ADRA1D: variants seen among roughly 807,000 people sequenced by gnomAD.
ADRA1D encodes the protein alpha-1D adrenergic receptor.
In ADRA1D, 22 loss-of-function variants were observed where a neutral mutation model predicts 18.6. That is an observed-to-expected ratio of 1.19 (90% CI 0.85 to 1.69). ADRA1D has a LOEUF of 1.69. ADRA1D is among the 40% of genes most tolerant of loss of function. The probability of loss-of-function intolerance (pLI) is 0.00; values close to 1 mark genes in which losing one functional copy is unlikely to be tolerated. For missense variants in ADRA1D, 840 were observed against 840.7 expected (o/e 1.00, Z 0.01); for synonymous variants, 376 against 388.2 (o/e 0.97, Z 0.37).
Position 4,222,562 on chromosome 20 carries a change from A to C in ADRA1D, c.1112-432T>G, listed in dbSNP as rs1980698017. Among the ~76,000 whole-genome samples, 1 of 152,148 alleles carries C rather than the reference A, an allele frequency of 6.6e-6. No individual in the cohort carries two copies. The highest frequency in any genetic ancestry group is 1.5e-5 in the Non-Finnish European group (1 of 68,032). On this transcript the variant is annotated intron_variant, in intron 1 of 1. Coordinates refer to ENST00000379453, the MANE Select transcript of ADRA1D (RefSeq NM_000678.4). The surrounding 1 kb of genome is among the most constrained non-coding windows in gnomAD (Gnocchi z 4.3). Reference sequence around the variant, plus strand: ...TCTCTGGAAAGATGCTTTGAAGATAAAATAGGATAGAACATACGCCCCCGC... The same window carrying C: ...TCTCTGGAAAGATGCTTTGAAGATACAATAGGATAGAACATACGCCCCCGC...
rs71332805 is a variant in ADRA1D, at chr20:4,231,038, T to TTCTCTTTCTTTCTTTCTTTCTTTCTTTC, written c.1112-8909_1112-8908insGAAAGAAAGAAAGAAAGAAAGAAAGAGA. ...TTCTTTTCTCTTTCTCTTTCTTTCTTTTTCTTTCTTTCTTTCTTTCTTTCT... is the reference window on the plus strand; with the variant it reads ...TTCTTTTCTCTTTCTCTTTCTTTCTTTCTCTTTCTTTCTTTCTTTCTTTCTTTCTTTCTTTCTTTCTTTCTTTCTTTCT... On this transcript the variant is annotated intron_variant, in intron 1 of 1. Coordinates refer to ENST00000379453, the MANE Select transcript of ADRA1D (RefSeq NM_000678.4). Among the ~76,000 whole-genome samples the TTCTCTTTCTTTCTTTCTTTCTTTCTTTC allele has an allele frequency of 3.7e-5, 4 of 108,526 alleles. 1 individual carries two copies. In the East Asian group the frequency reaches 1.2e-3, roughly 31 times the overall value. The allele number at this position is 108,526 out of a possible 152,430, so 71.2% of individuals were successfully genotyped here.
intron 1 of ADRA1D, among the ~76,000 whole-genome samples, chr20:4,225,988 C>T (rs561819768): frequency 2.2e-4 from 34 of 152,328 alleles, no homozygotes; most frequent in Admixed American, 1.2e-3. Context: ...GCTCAATGGC[C>T]GCGAACTAAG....
intron 1 of ADRA1D, among the ~76,000 whole-genome samples, chr20:4,232,915 A>C (rs1238271451): frequency 6.6e-6 from 1 of 152,170 alleles, no homozygotes; most frequent in Non-Finnish European, 1.5e-5. Flanking sequence ...GGGTCGGGCT[A>C]AGGCCAAGCT....
chr20:4,248,646 T>C lies in ADRA1D; in HGVS notation c.312A>G (p.Ala104=). Residue 104 remains alanine (A), a synonymous_variant, in exon 1 of 2, where the codon GCA becomes GCG. Transcript: ENST00000379453. ...CTGCCACGGCCATAAGGATGAAGGC[T>C]GCCAGGAAGACGCCCACGCCCACGC... ...AQGVGVGVFL[A]AFILMAVAGN... 4 of 1,611,828 alleles carry C rather than the reference T, an allele frequency of 2.5e-6. No homozygotes were observed. Among genetic ancestry groups the C allele is most frequent in the Non-Finnish European group, 3.4e-6 (4 of 1,179,324 alleles).
At position 4,248,210 on chromosome 20, in the gene ADRA1D, C is replaced by T. The variant is rs1161048658; in HGVS notation, c.748G>A (p.Glu250Lys). The T allele has an allele frequency of 1.9e-6, 3 of 1,595,102 alleles. No homozygotes were observed. Among genetic ancestry groups the T allele is most frequent in the Non-Finnish European group, 2.6e-6 (3 of 1,171,002 alleles). Reference protein sequence around the residue: ...PPDERFCGITEEAGYAVFSSV... With the variant: ...PPDERFCGITKEAGYAVFSSV... Reference sequence around the variant, plus strand: ...GAGAAGACAGCGTAGCCCGCCTCCTCGGTGATACCGCAGAAGCGCTCGTCA... The same window carrying T: ...GAGAAGACAGCGTAGCCCGCCTCCTTGGTGATACCGCAGAAGCGCTCGTCA... Residue 250 changes from glutamate (E) to lysine (K), a missense_variant, in exon 1 of 2, where the codon GAG (glutamate) becomes AAG (lysine). Transcript: ENST00000379453.
intron 1 of ADRA1D, among the ~76,000 whole-genome samples, chr20:4,240,407 CTTTTTT>C (rs57205653): frequency 7.0e-6 from 1 of 142,656 alleles, no homozygotes; most frequent in Non-Finnish European, 1.5e-5. Context: ...GGATTGTGGG[CTTTTTT>C]TTTTTTTTTT....
intron 1 of ADRA1D, among the ~76,000 whole-genome samples, chr20:4,232,675 G>A (rs1335055519): frequency 6.6e-6 from 1 of 152,358 alleles, no homozygotes; most frequent in South Asian, 2.1e-4. Context: ...TGATGTTGGT[G>A]CCCTGCCCAG....
chr20:4,244,932 A>G (rs1478591438), intron 1 of ADRA1D, among the ~76,000 whole-genome samples: 1 of 152,232 alleles, frequency 6.6e-6, no homozygotes, highest in Non-Finnish European at 1.5e-5. Context: ...TGCCCTGAGA[A>G]GCCTGGTGCA....
rs1312222710 is a variant in ADRA1D at position 4,248,933 on chromosome 20, C to T, written c.25G>A (p.Val9Ile). MTFRDLLS[V>I]SFEGPRPDSS... is the part of the protein sequence containing the mutation. ...TCCGGGCGGGGTCCCTCGAAACTGA[C>T]GCTCAGGAGATCGCGGAAAGTCATC... Residue 9 changes from valine (V) to isoleucine (I), a missense_variant, in exon 1 of 2, where the codon GTC (valine) becomes ATC (isoleucine). Physicochemically the swap from Val to Ile is conservative, Grantham distance 29. Transcript: ENST00000379453. The T allele has an allele frequency of 1.9e-5, 25 of 1,347,844 alleles. No individual in the cohort carries two copies. Among genetic ancestry groups the T allele is most frequent in the Non-Finnish European group, 2.3e-5 (24 of 1,038,182 alleles). The allele number at this position is 1,347,844 out of a possible 1,614,324, so 83.5% of individuals were successfully genotyped here.
At chr20:4,227,676 TTCCTTCCCTCTCTCCCTCCCTCCCTCCC>T (rs1396652138) in intron 1 of ADRA1D, among the ~76,000 whole-genome samples, 1 of 106,200 alleles carries the variant, frequency 9.4e-6, no homozygotes, top group Non-Finnish European at 2.2e-5. Flanking sequence ...CCTTCCTTCC[TTCCTTCCCTCTCTCCCTCCCTCCCTCCC>T]TCCTTCCTTC....
intron 1 of ADRA1D, among the ~76,000 whole-genome samples, chr20:4,236,221 C>T (rs1981088047): frequency 6.6e-6 from 1 of 152,222 alleles, no homozygotes; most frequent in Non-Finnish European, 1.5e-5. Context: ...GGTCATATTA[C>T]TCAACCTCTC....
Position 4,247,936 on chromosome 20 carries a change from G to C in ADRA1D, c.1022C>G (p.Ser341Cys). The change falls in exon 1 of 2, where the codon TCC (serine) becomes TGC (cysteine). Residue 341 changes from serine (S) to cysteine (C), a missense_variant. Coordinates refer to ENST00000379453, the MANE Select transcript of ADRA1D (RefSeq NM_000678.4). ...AGTCTTGGCCGCTTTCTTCTCACGGGAGAACTTGAGCAGGCGCACGGAGAG... is the reference window on the plus strand; with the variant it reads ...AGTCTTGGCCGCTTTCTTCTCACGGCAGAACTTGAGCAGGCGCACGGAGAG... ...SSLSVRLLKF[S>C]REKKAAKTLA... is the part of the protein sequence containing the mutation. The C allele has an allele frequency of 6.2e-7, 1 of 1,603,734 alleles. No homozygotes were observed. Among genetic ancestry groups the C allele is most frequent in the Non-Finnish European group, 8.5e-7 (1 of 1,175,328 alleles).
At chr20:4,245,804 G>A (rs1321017774) in intron 1 of ADRA1D, among the ~76,000 whole-genome samples, 1 of 152,096 alleles carries the variant, frequency 6.6e-6, no homozygotes, top group Non-Finnish European at 1.5e-5. Flanking sequence ...GATGGGCTTG[G>A]ATGTCTAAAG....
Position 4,248,711 on chromosome 20 carries a change from C to T in ADRA1D, c.247G>A (p.Gly83Ser). ...ACCAGTCCCCCGACGGCCGCCGTGC[C>T]ATTCACGTCGCCGCCCGCGCCCGCG... The part of the protein sequence containing the change: ...GSAGAGGDVN[G>S]TAAVGGLVVS... The change falls in exon 1 of 2, where the codon GGC becomes AGC. Residue 83 changes from glycine to serine, a missense_variant. Transcript: ENST00000379453. 6.4e-7 allele frequency: 1 copy of T among 1,565,208 alleles called. No homozygotes were observed. The highest frequency in any genetic ancestry group is 8.7e-7 in the Non-Finnish European group (1 of 1,155,964).
intron 1 of ADRA1D, among the ~76,000 whole-genome samples, chr20:4,247,530 A>T (rs1176835348): frequency 6.6e-6 from 1 of 152,230 alleles, no homozygotes; most frequent in African/African-American, 2.4e-5. Context: ...ACTGCCGACC[A>T]CATATGGGCA....
intron 1 of ADRA1D, among the ~76,000 whole-genome samples, chr20:4,237,263 C>A (rs1981113582): frequency 6.6e-6 from 1 of 151,944 alleles, no homozygotes; most frequent in South Asian, 2.1e-4. Context: ...AGACCCCTAG[C>A]TAGATGTGGT....
intron 1 of ADRA1D, among the ~76,000 whole-genome samples, chr20:4,234,906 G>A (rs1318959021): frequency 6.6e-6 from 1 of 152,186 alleles, no homozygotes; most frequent in Non-Finnish European, 1.5e-5. Flanking sequence ...CGGGAAGTTA[G>A]GACCGCCAAA....
At chr20:4,246,420 A>G (rs560479110) in intron 1 of ADRA1D, among the ~76,000 whole-genome samples, 198 of 152,338 alleles carry the variant, frequency 1.3e-3, no homozygotes, top group Admixed American at 2.4e-3. Flanking sequence ...AGAGTTGGCC[A>G]GGAGAGATTG....
intron 1 of ADRA1D, among the ~76,000 whole-genome samples, chr20:4,224,993 G>GTTTTTTTTTT (rs562415272): frequency 8.3e-6 from 1 of 120,058 alleles, no homozygotes; most frequent in East Asian, 2.8e-4. Context: ...GGCCATCTAA[G>GTTTTTTTTTT]TTTTTTTTTT....
Sources: gnomAD v4.1 joint callset for allele counts (sites outside exome capture counted in the v4.1 genomes callset) on GRCh38, gnomAD v4.1.1 for gene constraint, Gnocchi (gnomAD v3.1) non-coding constraint, MANE v1.5 for transcripts, NCBI Gene and HGNC (gene_info 2026-07-23, HGNC 2026-07-21) for gene names.